The following CDS1 variants were observed in gnomAD, a reference collection of about 807,000 sequenced individuals.
CDS1 encodes the protein phosphatidate cytidylyltransferase 1.
A neutral mutation model predicts 62.1 loss-of-function variants in CDS1; 41 were observed. The ratio of observed to expected loss-of-function variants is 0.66; its 90% confidence interval spans 0.51 to 0.86. The LOEUF (loss-of-function observed/expected upper bound fraction) is 0.86. Ranked by LOEUF, CDS1 falls within the 40% of genes least tolerant of loss-of-function variation. The pLI is 0.00. For missense variants in CDS1, 470 were observed against 550.1 expected (o/e 0.85, Z 1.46); for synonymous variants, 185 against 192.6 (o/e 0.96, Z 0.32).
rs28702042 is a variant in CDS1, at chr4:84,620,890, G to A, written c.580+1357G>A. Reference sequence around the variant, plus strand: ...AGCCTGACCAACATGGAGAAACCCCGTCTCTACTAAAAATACAGAATTAGC... The same window carrying A: ...AGCCTGACCAACATGGAGAAACCCCATCTCTACTAAAAATACAGAATTAGC... On this transcript the variant is annotated intron_variant, in intron 5 of 12. Transcript: ENST00000295887. 4.0e-3 allele frequency among the ~76,000 whole-genome samples: 602 copies of A among 152,074 alleles called. 4 individuals are homozygous for A. Among genetic ancestry groups the A allele is most frequent in the African/African-American group, 0.014 (569 of 41,506 alleles).
intron 1 of CDS1, 145 bp from the exon 2 acceptor site, chr4:84,604,098 G>C: frequency 1.5e-6 from 1 of 650,228 alleles, no homozygotes; most frequent in East Asian, 2.8e-5. Flanking sequence ...GTATAGCAGT[G>C]CTAAGATTTT....
chr4:84,640,522 G>A (rs930974012), intron 9 of CDS1, among the ~76,000 whole-genome samples: 1 of 152,028 alleles, frequency 6.6e-6, no homozygotes, highest in Non-Finnish European at 1.5e-5. Context: ...ATTATTAACT[G>A]ATGAAATTAA....
intron 8 of CDS1, among the ~76,000 whole-genome samples, chr4:84,635,996 G>A (rs1272737019): frequency 4.0e-5 from 6 of 151,836 alleles, no homozygotes; most frequent in African/African-American, 1.2e-4. Flanking sequence ...GGCTCAAGCA[G>A]TCTGCCCATT....
At chr4:84,583,946 C>T (rs1722337763) in intron 1 of CDS1, among the ~76,000 whole-genome samples, 1 of 152,126 alleles carries the variant, frequency 6.6e-6, no homozygotes, top group East Asian at 1.9e-4. Context: ...TCGGCTGTAT[C>T]ATTTCATCGG....
intron 1 of CDS1, among the ~76,000 whole-genome samples, chr4:84,596,655 C>G (rs1338499135): frequency 6.6e-6 from 1 of 152,132 alleles, no homozygotes; most frequent in Non-Finnish European, 1.5e-5. Flanking sequence ...TTAATTCTCC[C>G]TTGAATTGTA....
At chr4:84,604,123 GTTTC>G in intron 1 of CDS1, 116 bp from the exon 2 acceptor site, 1 of 799,858 alleles carries the variant, frequency 1.3e-6, no homozygotes. Context: ...ATAAATAGTA[GTTTC>G]TTTGTTTCAG....
At chr4:84,638,750 A>T (rs1160202790) in intron 8 of CDS1, among the ~76,000 whole-genome samples, 174 bp from the exon 9 acceptor site, 1 of 151,948 alleles carries the variant, frequency 6.6e-6, no homozygotes, top group South Asian at 2.1e-4. Context: ...AGAGATTTTC[A>T]CTAGTAAATC....
At chr4:84,602,371 G>C (rs890520045) in intron 1 of CDS1, among the ~76,000 whole-genome samples, 1 of 152,198 alleles carries the variant, frequency 6.6e-6, no homozygotes, top group African/African-American at 2.4e-5. Flanking sequence ...TTACTGCAAA[G>C]TGGACTTTGA....
At chr4:84,612,547 A>G (rs750710925) in intron 3 of CDS1, among the ~76,000 whole-genome samples, 7 of 152,168 alleles carry the variant, frequency 4.6e-5, no homozygotes, top group Non-Finnish European at 1.0e-4. Flanking sequence ...GCATGCATAC[A>G]TTTGGATTCT....
intron 1 of CDS1, among the ~76,000 whole-genome samples, chr4:84,585,648 A>C (rs548337477): frequency 6.6e-6 from 1 of 152,004 alleles, no homozygotes; most frequent in Non-Finnish European, 1.5e-5. Flanking sequence ...ATTATAATAC[A>C]CTCCCATGCA....
intron 3 of CDS1, among the ~76,000 whole-genome samples, chr4:84,613,417 T>A (rs578108372): frequency 4.3e-4 from 65 of 152,292 alleles, no homozygotes; most frequent in African/African-American, 1.3e-3. Flanking sequence ...AAGACCAGCC[T>A]GGCCAACATG....
chr4:84,595,063 G>A (rs1182704939), intron 1 of CDS1, among the ~76,000 whole-genome samples: 1 of 152,102 alleles, frequency 6.6e-6, no homozygotes, highest in Non-Finnish European at 1.5e-5. Flanking sequence ...TCTGGTGATG[G>A]TCAGTTTTTA....
At chr4:84,593,138 A>G (rs1722642769) in intron 1 of CDS1, among the ~76,000 whole-genome samples, 1 of 152,186 alleles carries the variant, frequency 6.6e-6, no homozygotes, top group Non-Finnish European at 1.5e-5. Context: ...GGCTTCGAAC[A>G]ATTCTATGGG....
At chr4:84,638,873 T>A (rs1416684695) in intron 8 of CDS1, 51 bp from the exon 9 acceptor site, 2 of 564,274 alleles carry the variant, frequency 3.5e-6, no homozygotes, top group Non-Finnish European at 3.0e-6. Context: ...ATATATATTG[T>A]GAGTTTTGTG....
intron 1 of CDS1, among the ~76,000 whole-genome samples, chr4:84,597,349 T>C (rs1026340968): frequency 9.9e-5 from 15 of 152,186 alleles, no homozygotes; most frequent in African/African-American, 3.4e-4. Context: ...GTCTATAAAA[T>C]ACAGTGTTGT....
At chr4:84,600,577 C>T (rs1407709937) in intron 1 of CDS1, among the ~76,000 whole-genome samples, 18 of 152,132 alleles carry the variant, frequency 1.2e-4, no homozygotes, top group Non-Finnish European at 4.4e-5. Context: ...ACCTTTGCAA[C>T]TTTGTTGTCA....
At chr4:84,636,820 C>T (rs892886480) in intron 8 of CDS1, among the ~76,000 whole-genome samples, 5 of 152,214 alleles carry the variant, frequency 3.3e-5, no homozygotes, top group South Asian at 2.1e-4. Flanking sequence ...CCACCACACC[C>T]GGCCTAAAAG....
In CDS1 at chr4:84,583,533, G is replaced by C; in HGVS notation, c.117+15G>C. The C allele has an allele frequency of 3.4e-6, 5 of 1,460,862 alleles. No homozygotes were observed. The highest frequency in any genetic ancestry group is 4.6e-6 in the Non-Finnish European group (5 of 1,088,986). The allele number at this position is 1,460,862 out of a possible 1,614,324, so 90.5% of individuals were successfully genotyped here. ...CCAGCGACAAAGTAAGTGGAGCCGA[G>C]AGAGGCGGACGCCGCGCCCTGGCTG... On this transcript the variant is annotated intron_variant, in intron 1 of 12. Transcript: ENST00000295887.
At chr4:84,602,999 C>T (rs1722983624) in intron 1 of CDS1, among the ~76,000 whole-genome samples, 1 of 152,036 alleles carries the variant, frequency 6.6e-6, no homozygotes, top group Non-Finnish European at 1.5e-5. Flanking sequence ...GAAAATACTC[C>T]CGAAGACTAA....
Sources: gnomAD v4.1 joint callset for allele counts (sites outside exome capture counted in the v4.1 genomes callset) on GRCh38, gnomAD v4.1.1 for gene constraint, MANE v1.5 for transcripts, NCBI Gene and HGNC (gene_info 2026-07-23, HGNC 2026-07-21) for gene names.